OSBPL8: variants seen among roughly 807,000 people sequenced by gnomAD.
OSBPL8 encodes oxysterol binding protein like 8, also known as oxysterol-binding protein-related protein 8.
OSBPL8 carries 59 observed loss-of-function variants against 125.5 expected under a neutral mutation model. That is an observed-to-expected ratio of 0.47 (90% CI 0.38 to 0.58). The LOEUF is 0.58. Among genes scored for constraint, OSBPL8 ranks in the 20% least tolerant of loss-of-function variants. The pLI is 0.00. For missense variants in OSBPL8, 758 were observed against 1,047.8 expected, an observed-to-expected ratio of 0.72 and a Z score of 3.82; for synonymous variants, 330 against 338.9, an observed-to-expected ratio of 0.97 and a Z score of 0.29.
intron 1 of OSBPL8, among the ~76,000 whole-genome samples, chr12:76,557,607 G>T (rs377104329): frequency 0.018 from 1,553 of 84,738 alleles, 38 homozygotes; most frequent in African/African-American, 0.078. Context: ...GAGTGAGACA[G>T]TCTTAAAAAA....
chr12:76,447,965 C>T (rs1417402370), intron 4 of OSBPL8, among the ~76,000 whole-genome samples: 3 of 152,172 alleles, frequency 2.0e-5, no homozygotes, highest in Non-Finnish European at 4.4e-5. Context: ...TATTTGGTTT[C>T]AGCAAGCCTA....
chr12:76,439,080 A>G (rs984382051), intron 4 of OSBPL8, among the ~76,000 whole-genome samples: 44 of 152,204 alleles, frequency 2.9e-4, no homozygotes, highest in African/African-American at 7.7e-4. Flanking sequence ...GATGGCAATT[A>G]TAAGATATAG....
chr12:76,469,265 T>A (rs1875832862), intron 2 of OSBPL8, among the ~76,000 whole-genome samples: 1 of 152,192 alleles, frequency 6.6e-6, no homozygotes, highest in African/African-American at 2.4e-5. Flanking sequence ...CTGCAGACCC[T>A]CAAGGCCATT....
chr12:76,477,600 C>A (rs78337368), intron 2 of OSBPL8, among the ~76,000 whole-genome samples: 1 of 151,898 alleles, frequency 6.6e-6, no homozygotes, highest in Non-Finnish European at 1.5e-5. Flanking sequence ...TGAGGAAACA[C>A]GAGAACTAAA....
In OSBPL8 at chr12:76,358,175, C is replaced by CTTT. The variant is rs60714321; in HGVS notation, c.2434+528_2434+530dup. On this transcript the variant is annotated intron_variant, in intron 22 of 23. Transcript: ENST00000261183. ...AGGTAGCTACTACTAGAGTGTGGTT[C>CTTT]TTTTTTTTTTTTTTTTTTTTTTGAG... 6.9e-3 allele frequency among the ~76,000 whole-genome samples: 688 copies of CTTT among 100,062 alleles called. 12 individuals are homozygous for CTTT. The highest frequency in any genetic ancestry group is 9.5e-3 in the African/African-American group (250 of 26,238). 65.6% of individuals were successfully genotyped at this position (100,062 alleles called of 152,430 possible). A position where few individuals can be genotyped will look rare whatever the true frequency, so the allele number is the denominator to read the frequency against.
chr12:76,388,587 T>G (rs980981772), intron 12 of OSBPL8, among the ~76,000 whole-genome samples: 1 of 152,202 alleles, frequency 6.6e-6, no homozygotes, highest in African/African-American at 2.4e-5. Flanking sequence ...TTTTTGTCAA[T>G]GTGGTGGATA....
At chr12:76,473,259 T>C (rs1258677373) in intron 2 of OSBPL8, among the ~76,000 whole-genome samples, 1 of 152,188 alleles carries the variant, frequency 6.6e-6, no homozygotes, top group Non-Finnish European at 1.5e-5. Context: ...TATTCATATA[T>C]CATTATGTCT....
chr12:76,459,741 G>C, intron 3 of OSBPL8, 118 bp downstream of exon 3: 1 of 1,188,330 alleles, frequency 8.4e-7, no homozygotes, highest in Non-Finnish European at 1.2e-6. Context: ...TCAATTCCTG[G>C]AAAGAAAAGT....
chr12:76,522,882 C>T (rs1275700476), intron 1 of OSBPL8, among the ~76,000 whole-genome samples: 2 of 152,192 alleles, frequency 1.3e-5, no homozygotes, highest in Non-Finnish European at 2.9e-5. Flanking sequence ...CAAGATGTCA[C>T]TGTCACCCAG....
intron 1 of OSBPL8, among the ~76,000 whole-genome samples, chr12:76,553,514 A>C (rs1219295975): frequency 6.6e-6 from 1 of 151,268 alleles, no homozygotes. Context: ...AAAAAAAAAA[A>C]ACTTAAAAAT....
intron 21 of OSBPL8, among the ~76,000 whole-genome samples, chr12:76,360,582 A>C (rs961375996): frequency 4.6e-5 from 7 of 152,186 alleles, no homozygotes; most frequent in Middle Eastern, 3.4e-3. Flanking sequence ...GGGGGCTCCG[A>C]CCCCAGATTT....
At chr12:76,394,146 T>G (rs1049371348) in intron 9 of OSBPL8, among the ~76,000 whole-genome samples, 7 of 152,180 alleles carry the variant, frequency 4.6e-5, no homozygotes, top group Non-Finnish European at 1.0e-4. Flanking sequence ...CAAAATCCAT[T>G]ATTAATTATT....
intron 1 of OSBPL8, among the ~76,000 whole-genome samples, chr12:76,545,232 C>T (rs1950751250): frequency 1.3e-5 from 2 of 152,144 alleles, no homozygotes; most frequent in Non-Finnish European, 2.9e-5. Context: ...GTCCTATACA[C>T]TAAATGTCTG....
intron 4 of OSBPL8, among the ~76,000 whole-genome samples, chr12:76,446,312 C>CAA (rs1224780056): frequency 1.3e-5 from 2 of 152,052 alleles, no homozygotes; most frequent in Admixed American, 6.6e-5. Context: ...TCACCATGAC[C>CAA]AAAAGCTAAC....
At chr12:76,543,575 A>T (rs1950702679) in intron 1 of OSBPL8, among the ~76,000 whole-genome samples, 1 of 152,150 alleles carries the variant, frequency 6.6e-6, no homozygotes, top group Non-Finnish European at 1.5e-5. Flanking sequence ...TATCTACACC[A>T]AGTATAGCAC....
At chr12:76,446,163 T>C (rs982494925) in intron 4 of OSBPL8, among the ~76,000 whole-genome samples, 2 of 152,220 alleles carry the variant, frequency 1.3e-5, no homozygotes, top group African/African-American at 2.4e-5. Context: ...TTAAATGTTA[T>C]GCACTATATT....
intron 2 of OSBPL8, among the ~76,000 whole-genome samples, chr12:76,468,133 C>T (rs539043430): frequency 6.6e-6 from 1 of 152,174 alleles, no homozygotes; most frequent in South Asian, 2.1e-4. Flanking sequence ...AAACAAATGA[C>T]AAAGACTAAG....
intron 1 of OSBPL8, among the ~76,000 whole-genome samples, chr12:76,552,714 C>A (rs1950980638): frequency 6.6e-6 from 1 of 152,136 alleles, no homozygotes; most frequent in African/African-American, 2.4e-5. Context: ...ATGCCATTTT[C>A]TTCCCTTTTG....
At chr12:76,405,423 C>T (rs956315962) in intron 5 of OSBPL8, among the ~76,000 whole-genome samples, 5 of 152,176 alleles carry the variant, frequency 3.3e-5, no homozygotes, top group African/African-American at 1.2e-4. Flanking sequence ...TGCACCACTG[C>T]ACTCCAGCCC....
Sources: gnomAD v4.1 joint callset for allele counts (sites outside exome capture counted in the v4.1 genomes callset) on GRCh38, gnomAD v4.1.1 for gene constraint, MANE v1.5 for transcripts, NCBI Gene and HGNC (gene_info 2026-07-23, HGNC 2026-07-21) for gene names.